SRSF7: variants seen among roughly 807,000 people sequenced by gnomAD.
The protein encoded by SRSF7 is serine/arginine-rich splicing factor 7.
A neutral mutation model predicts 42.2 loss-of-function variants in SRSF7; 15 were observed. The ratio of observed to expected loss-of-function variants is 0.36; its 90% confidence interval spans 0.24 to 0.55. The LOEUF (loss-of-function observed/expected upper bound fraction) is 0.55. Among genes scored for constraint, SRSF7 ranks in the 20% least tolerant of loss-of-function variants. The pLI is 0.88. For missense variants in SRSF7, 181 were observed against 305.9 expected (o/e 0.59, Z 3.04); for synonymous variants, 138 against 107.9 (o/e 1.28, Z -1.73).
intron 3 of SRSF7, 91 bp from the exon 4 acceptor site, chr2:38,748,744 T>C: frequency 7.2e-7 from 1 of 1,387,592 alleles, no homozygotes; most frequent in Non-Finnish European, 1.0e-6. Flanking sequence ...ATCTCAAAAC[T>C]ATTTAAATTT....
chr2:38,751,493 C>G (rs80230758), upstream of SRSF7: 4,524 of 568,326 alleles, frequency 8.0e-3, 137 homozygotes, highest in South Asian at 0.053. Context: ...ACTGAAGAGA[C>G]TAACACGCGG....
intron 3 of SRSF7, chr2:38,749,116 G>C: frequency 7.6e-7 from 1 of 1,316,254 alleles, no homozygotes; most frequent in African/African-American, 1.5e-5. Context: ...ACCGGAGGGG[G>C]GCCCCAATTG....
chr2:38,748,915 C>T, intron 3 of SRSF7: 1 of 1,354,340 alleles, frequency 7.4e-7, no homozygotes. Context: ...GTTTGCAGGT[C>T]GACCCTCTTT....
chr2:38,746,668 A>G (rs1273658661), intron 6 of SRSF7, 26 bp downstream of exon 6: 1 of 1,612,170 alleles, frequency 6.2e-7, no homozygotes, highest in South Asian at 1.1e-5. Context: ...TATAACTAGA[A>G]AAGCATAATC....
intron 3 of SRSF7, chr2:38,748,976 G>A: frequency 2.3e-6 from 3 of 1,288,198 alleles, no homozygotes; most frequent in African/African-American, 1.5e-5. Context: ...ATAGCCGATC[G>A]CTGCATCTAG....
chr2:38,746,387 A>C (rs558234200), intron 6 of SRSF7, among the ~76,000 whole-genome samples: 3 of 152,338 alleles, frequency 2.0e-5, no homozygotes, highest in East Asian at 1.9e-4. Flanking sequence ...CATCATGATT[A>C]ATCTTTTACA....
chr2:38,750,014 T>C lies in SRSF7; in HGVS notation c.209A>G (p.Lys70Arg). The C allele has an allele frequency of 6.2e-7, 1 of 1,606,016 alleles. No individual in the cohort carries two copies. The highest frequency in any genetic ancestry group is 8.5e-7 in the Non-Finnish European group (1 of 1,177,376). The change falls in exon 2 of 8, where the codon AAG becomes AGG. Residue 70 changes from lysine to arginine, a missense_variant and splice_region_variant. By Grantham distance (26) the Lys-to-Arg change is conservative. This residue lies in a region of SRSF7 where 45 missense variants were observed against 158.1 expected (regional missense o/e 0.28). Transcript: ENST00000313117. The part of the protein sequence containing the change: ...AEDAVRGLDG[K>R]VICGSRVRVE... The stretch of plus-strand genomic sequence containing the variant: ...AGAAGATTCATAACATCTTACTTAC[T>C]TTCCATCCAGTCCTCGTACTGCATC...
upstream of SRSF7, chr2:38,751,432 G>T: frequency 1.2e-6 from 1 of 823,730 alleles, no homozygotes; most frequent in Admixed American, 2.3e-5. Flanking sequence ...TCGTTGTTCT[G>T]CGCGGCACAA....
At chr2:38,750,969 A>C (rs1668254072) in intron 1 of SRSF7, 3 of 423,180 alleles carry the variant, frequency 7.1e-6, no homozygotes, top group African/African-American at 2.0e-5. Context: ...AGGCAACGCG[A>C]AAACCGTCAT....
rs1280883013 is a variant in SRSF7 at position 38,745,205 on chromosome 2, AG to A, written c.663-19del. ...GGGAACGACTAAAAAGAAAAACATT[AG>A]GTTTGGATCCAATTAGTGTCAATTG... On this transcript the variant is annotated intron_variant, in intron 7 of 7. Coordinates refer to ENST00000313117, the MANE Select transcript of SRSF7 (RefSeq NM_001031684.3). 2.5e-6 allele frequency: 4 copies of A among 1,613,808 alleles called. No individual in the cohort carries two copies. The Admixed American group carries it at 6.7e-5, about 27-fold the overall frequency.
intron 1 of SRSF7, chr2:38,750,830 G>A (rs1668220078): frequency 4.0e-6 from 1 of 247,538 alleles, no homozygotes; most frequent in Admixed American, 4.7e-5. Context: ...TTACAGCTGC[G>A]GCCAGATCTG....
chr2:38,750,398 C>G lies in SRSF7; in HGVS notation c.29-204G>C, dbSNP rs191958031. On this transcript the variant is annotated intron_variant, in intron 1 of 7. Coordinates refer to ENST00000313117, the MANE Select transcript of SRSF7 (RefSeq NM_001031684.3). ...GACTTTTGACAAAATTCTTAACGTT[C>G]TAAATAATGCGGGGTGACCCTCCCG... is the stretch of plus-strand genomic sequence containing the variant. 3.0e-4 allele frequency among the ~76,000 whole-genome samples: 46 copies of G among 152,084 alleles called. No individual in the cohort carries two copies. The East Asian group carries it at 8.5e-3, about 28-fold the overall frequency.
intron 7 of SRSF7, among the ~76,000 whole-genome samples, chr2:38,745,754 G>A (rs866959608): frequency 1.2e-4 from 19 of 152,012 alleles, no homozygotes; most frequent in African/African-American, 4.6e-4. Flanking sequence ...TCATTAAGAA[G>A]CACTAGATAA....
At chr2:38,748,185 C>A in intron 4 of SRSF7, 28 bp from the exon 5 acceptor site, 1 of 1,556,336 alleles carries the variant, frequency 6.4e-7, no homozygotes. Context: ...AAGTCCATCT[C>A]CACAGTTTTT....
chr2:38,750,659 C>A (rs1668184964), intron 1 of SRSF7, among the ~76,000 whole-genome samples: 1 of 150,876 alleles, frequency 6.6e-6, no homozygotes, highest in African/African-American at 2.4e-5. Context: ...CTCCAGCTCC[C>A]CGCCCCAGAG....
intron 2 of SRSF7, 126 bp from the exon 3 acceptor site, chr2:38,749,831 G>A (rs1192654027): frequency 3.1e-6 from 4 of 1,286,400 alleles, no homozygotes; most frequent in Non-Finnish European, 4.2e-6. Context: ...AACTTTGGCG[G>A]TCTTTACCAA....
chr2:38,748,028 GAAAAAA>G lies in SRSF7; in HGVS notation c.572+13_572+18del. The G allele has an allele frequency of 6.3e-7, 1 of 1,578,208 alleles. No individual in the cohort carries two copies. On this transcript the variant is annotated intron_variant, in intron 5 of 7. Coordinates refer to ENST00000313117, the MANE Select transcript of SRSF7 (RefSeq NM_001031684.3). Reference sequence around the variant, plus strand: ...TGTGAACAATCCAAACACAAGTAAGGAAAAAAAGTGTTACATACTGGAAATACCTCG... The same window carrying G: ...TGTGAACAATCCAAACACAAGTAAGGAGTGTTACATACTGGAAATACCTCG...
intron 5 of SRSF7, among the ~76,000 whole-genome samples, chr2:38,747,468 C>T (rs973762401): frequency 6.6e-6 from 1 of 152,098 alleles, no homozygotes; most frequent in African/African-American, 2.4e-5. Context: ...TTACATGTTG[C>T]AATACTTATT....
chr2:38,750,774 A>G (rs1275972366), intron 1 of SRSF7: 7 of 170,728 alleles, frequency 4.1e-5, no homozygotes, highest in Non-Finnish European at 2.5e-5. Context: ...GAGAACATGC[A>G]GCTCACAGCT....
Sources: allele counts gnomAD v4.1 joint callset (sites outside exome capture counted in the v4.1 genomes callset), GRCh38; gene constraint gnomAD v4.1.1; regional missense constraint gnomAD v4.1.1; transcripts MANE v1.5; gene names NCBI Gene and HGNC (gene_info 2026-07-23, HGNC 2026-07-21).